Variants in LEKR1 observed in about 807,000 individuals in gnomAD.
The protein encoded by LEKR1 is protein LEKR1.
A neutral mutation model predicts 72.4 loss-of-function variants in LEKR1; 59 were observed. That is an observed-to-expected ratio of 0.82 (90% CI 0.66 to 1.01). The LOEUF (loss-of-function observed/expected upper bound fraction) is 1.01. Among genes scored for constraint, LEKR1 ranks in the 50% least tolerant of loss-of-function variants. LEKR1 has a pLI of 0.00. For synonymous variants in LEKR1, 257 were observed against 263.2 expected (o/e 0.98, Z 0.23); for missense variants, 728 against 759.2 (o/e 0.96, Z 0.48).
At chr3:156,863,693 G>C (rs1302207747) in intron 3 of LEKR1, among the ~76,000 whole-genome samples, 15 of 152,046 alleles carry the variant, frequency 9.9e-5, no homozygotes, top group Admixed American at 9.8e-4. Flanking sequence ...ATTAAATAAT[G>C]ATGCTCACAC....
chr3:156,943,440 C>T (rs1364872860), intron 6 of LEKR1, among the ~76,000 whole-genome samples: 1 of 151,864 alleles, frequency 6.6e-6, no homozygotes, highest in Non-Finnish European at 1.5e-5. Flanking sequence ...TCTATCTGTT[C>T]TCATAACGAC....
intron 5 of LEKR1, among the ~76,000 whole-genome samples, chr3:156,938,344 TA>T (rs1308527857): frequency 6.6e-6 from 1 of 152,182 alleles, no homozygotes; most frequent in African/African-American, 2.4e-5. Flanking sequence ...AATTTATACT[TA>T]TTTCAAAATA....
At chr3:156,926,789 T>C (rs1724757437) in intron 4 of LEKR1, among the ~76,000 whole-genome samples, 1 of 151,986 alleles carries the variant, frequency 6.6e-6, no homozygotes, top group Non-Finnish European at 1.5e-5. Context: ...CTTAGTCTAC[T>C]CAGGGATGTA....
intron 6 of LEKR1, among the ~76,000 whole-genome samples, chr3:156,960,349 G>C (rs918591481): frequency 6.6e-6 from 1 of 152,070 alleles, no homozygotes; most frequent in Non-Finnish European, 1.5e-5. Flanking sequence ...GCAGTGGCGC[G>C]ATCTCGGCTC....
At chr3:156,910,806 A>G (rs1424234723) in intron 3 of LEKR1, among the ~76,000 whole-genome samples, 2 of 152,160 alleles carry the variant, frequency 1.3e-5, no homozygotes, top group Admixed American at 6.6e-5. Flanking sequence ...GCTGTGATGA[A>G]CATGTCTTTT....
intron 2 of LEKR1, among the ~76,000 whole-genome samples, chr3:156,835,847 G>T: frequency 8.6e-6 from 1 of 116,150 alleles, no homozygotes; most frequent in Admixed American, 1.0e-4. Context: ...CTCCCCCCAA[G>T]TCTTGCTCTG....
intron 4 of LEKR1, among the ~76,000 whole-genome samples, chr3:156,923,285 T>C (rs1576830930): frequency 1.3e-5 from 2 of 152,314 alleles, no homozygotes; most frequent in Non-Finnish European, 2.9e-5. Flanking sequence ...TTAGAACACT[T>C]GACTAATTCC....
chr3:156,849,899 T>A (rs1198888117), intron 2 of LEKR1, among the ~76,000 whole-genome samples: 2 of 151,946 alleles, frequency 1.3e-5, no homozygotes, highest in Non-Finnish European at 2.9e-5. Context: ...AAAGACAAAA[T>A]TGACAAATGG....
At chr3:156,940,514 A>G (rs184318059) in intron 5 of LEKR1, among the ~76,000 whole-genome samples, 187 of 152,310 alleles carry the variant, frequency 1.2e-3, no homozygotes, top group African/African-American at 4.3e-3. Context: ...CCAAATCGGG[A>G]CACATGTCTT....
chr3:156,850,134 T>A (rs1715168525), intron 2 of LEKR1, among the ~76,000 whole-genome samples: 1 of 152,086 alleles, frequency 6.6e-6, no homozygotes, highest in Non-Finnish European at 1.5e-5. Context: ...AAGACATTTA[T>A]GCAGCCAAAA....
In LEKR1 at chr3:156,879,828, G is replaced by A. The variant is rs186753777; in HGVS notation, c.263+26846G>A. Among the ~76,000 whole-genome samples, 9 of 152,316 alleles carry A rather than the reference G, an allele frequency of 5.9e-5. No homozygotes were observed. In the East Asian group the frequency reaches 1.7e-3, roughly 29 times the overall value. ...CGGGTTGTGGCTTCAGAGAGTGCAA[G>A]CCCCAAGCCTTGGCAGCTTCCACAT... On this transcript the variant is annotated intron_variant, in intron 3 of 12. Transcript: ENST00000356539.
intron 5 of LEKR1, among the ~76,000 whole-genome samples, chr3:156,933,934 T>C (rs144324297): frequency 1.2e-3 from 187 of 152,322 alleles, no homozygotes; most frequent in African/African-American, 4.3e-3. Flanking sequence ...TGGCCATGAC[T>C]GTACAATATG....
intron 3 of LEKR1, among the ~76,000 whole-genome samples, chr3:156,914,339 G>A (rs1723395121): frequency 6.6e-6 from 1 of 152,026 alleles, no homozygotes; most frequent in Non-Finnish European, 1.5e-5. Flanking sequence ...ACAGGCCCTG[G>A]TGTGTGATGT....
chr3:156,868,930 A>C (rs1166793863), intron 3 of LEKR1, among the ~76,000 whole-genome samples: 2 of 151,948 alleles, frequency 1.3e-5, no homozygotes, highest in African/African-American at 4.8e-5. Context: ...TTCTGCATAT[A>C]AGTAAGAACA....
intron 6 of LEKR1, chr3:156,977,969 T>C (rs1158936300): frequency 1.3e-5 from 2 of 153,768 alleles, no homozygotes; most frequent in Admixed American, 1.3e-4. Flanking sequence ...CATCCAAAAC[T>C]TCCATATGGT....
At chr3:156,941,949 A>G (rs948719444) in intron 5 of LEKR1, among the ~76,000 whole-genome samples, 37 of 152,070 alleles carry the variant, frequency 2.4e-4, no homozygotes, top group African/African-American at 8.2e-4. Flanking sequence ...TGACATGATT[A>G]TTATGAATTC....
At chr3:156,897,250 T>C (rs1392003036) in intron 3 of LEKR1, among the ~76,000 whole-genome samples, 2 of 152,126 alleles carry the variant, frequency 1.3e-5, no homozygotes, top group African/African-American at 2.4e-5. Flanking sequence ...TATTCGGAGA[T>C]GGGGCCTTTG....
At chr3:156,905,516 G>A (rs1268415536) in intron 3 of LEKR1, among the ~76,000 whole-genome samples, 1 of 152,082 alleles carries the variant, frequency 6.6e-6, no homozygotes, top group Non-Finnish European at 1.5e-5. Context: ...ACACTTGTGT[G>A]TTAGTGACAT....
chr3:156,992,324 C>T (rs1190422207), intron 7 of LEKR1, among the ~76,000 whole-genome samples: 1 of 152,186 alleles, frequency 6.6e-6, no homozygotes, highest in Non-Finnish European at 1.5e-5. Flanking sequence ...CCCATGCTGT[C>T]ACCTCATTCC....
Sources: gnomAD v4.1 joint callset for allele counts (sites outside exome capture counted in the v4.1 genomes callset) on GRCh38, gnomAD v4.1.1 for gene constraint, MANE v1.5 for transcripts, NCBI Gene and HGNC (gene_info 2026-07-23, HGNC 2026-07-21) for gene names.